The following MACROD2 variants were observed in gnomAD, a reference collection of about 807,000 sequenced individuals.
The protein encoded by MACROD2 is mono-ADP ribosylhydrolase 2.
Under a neutral mutation model 70.4 loss-of-function variants are expected in MACROD2, and 36 were observed. The observed-to-expected ratio is 0.51, with a 90% CI of 0.39 to 0.68. The LOEUF is 0.68. Among genes scored for constraint, MACROD2 ranks in the 30% least tolerant of loss-of-function variants. The probability of loss-of-function intolerance (pLI) is 0.00; values close to 1 mark genes in which losing one functional copy is unlikely to be tolerated. For synonymous variants in MACROD2, 172 were observed against 178.8 expected (o/e 0.96, Z 0.30); for missense variants, 496 against 538.4 (o/e 0.92, Z 0.78).
intron 6 of MACROD2, among the ~76,000 whole-genome samples, chr20:15,284,086 C>G (rs2077470474): frequency 1.3e-5 from 2 of 152,002 alleles, no homozygotes; most frequent in African/African-American, 4.8e-5. Context: ...ATTTCTTTTC[C>G]TTGATATAAT....
intron 5 of MACROD2, among the ~76,000 whole-genome samples, chr20:14,743,139 G>T (rs1300303675): frequency 6.6e-6 from 1 of 152,080 alleles, no homozygotes; most frequent in African/African-American, 2.4e-5. Context: ...TTTTTTAAAA[G>T]ATAGCTAATT....
chr20:15,367,089 A>C (rs1482520196), intron 6 of MACROD2, among the ~76,000 whole-genome samples: 1 of 149,008 alleles, frequency 6.7e-6, no homozygotes. Flanking sequence ...GTGCAGTGGC[A>C]TGATCTCGGC....
chr20:14,481,003 T>C (rs577233587), intron 3 of MACROD2, among the ~76,000 whole-genome samples: 2 of 152,266 alleles, frequency 1.3e-5, no homozygotes, highest in East Asian at 1.9e-4. Context: ...TTTTATTTGC[T>C]ACTTCAGGTT....
intron 5 of MACROD2, among the ~76,000 whole-genome samples, chr20:14,788,774 T>TTG (rs1555830467): frequency 1.8e-4 from 26 of 140,836 alleles, no homozygotes; most frequent in African/African-American, 6.9e-4. Context: ...TTTTTTTTTT[T>TTG]TTTTTTTTTT....
chr20:15,415,371 A>G (rs920541188), intron 6 of MACROD2, among the ~76,000 whole-genome samples: 2 of 152,188 alleles, frequency 1.3e-5, no homozygotes, highest in African/African-American at 4.8e-5. Context: ...ATGTTCCTCA[A>G]TTACATTAAG....
chr20:14,929,612 A>G (rs353142), intron 5 of MACROD2: 74,712 of 151,680 alleles, frequency 0.49, 19,109 homozygotes, highest in South Asian at 0.71. Context: ...CTCATCTCCA[A>G]CCCCTCTCCC....
chr20:15,828,496 T>C (rs997176778), intron 8 of MACROD2, among the ~76,000 whole-genome samples: 1 of 152,160 alleles, frequency 6.6e-6, no homozygotes, highest in Admixed American at 6.5e-5. Context: ...TGACATTTGC[T>C]CTTGAAGGGA....
intron 8 of MACROD2, among the ~76,000 whole-genome samples, chr20:15,640,419 A>T (rs1468028465): frequency 6.6e-6 from 1 of 152,154 alleles, no homozygotes; most frequent in African/African-American, 2.4e-5. Flanking sequence ...AGAGGGGGCC[A>T]AACGTGATGC....
At chr20:14,339,497 C>G (rs1193526125) in intron 3 of MACROD2, among the ~76,000 whole-genome samples, 1 of 152,080 alleles carries the variant, frequency 6.6e-6, no homozygotes, top group African/African-American at 2.4e-5. Flanking sequence ...AAATTTTTGC[C>G]TGGTCAAATT....
intron 4 of MACROD2, among the ~76,000 whole-genome samples, chr20:14,538,145 A>G (rs1016735276): frequency 2.0e-5 from 3 of 152,238 alleles, no homozygotes; most frequent in African/African-American, 7.2e-5. Context: ...ACATGAAAAG[A>G]AACTGAGGTA....
intron 3 of MACROD2, among the ~76,000 whole-genome samples, chr20:14,465,984 A>G (rs1373389203): frequency 6.6e-6 from 1 of 151,840 alleles, no homozygotes; most frequent in Non-Finnish European, 1.5e-5. Flanking sequence ...CTTCATTTCA[A>G]CTTTGGTGAA....
chr20:14,478,826 CA>C (rs2084628313), intron 3 of MACROD2, among the ~76,000 whole-genome samples: 2 of 152,066 alleles, frequency 1.3e-5, no homozygotes, highest in South Asian at 4.2e-4. Flanking sequence ...TTTAATTTTC[CA>C]AGATTTTTTG....
At position 14,604,918 on chromosome 20, in the gene MACROD2, G is replaced by A. The variant is rs553983143; in HGVS notation, c.302-79925G>A. Among the ~76,000 whole-genome samples, 49 of 152,220 alleles carry A rather than the reference G, an allele frequency of 3.2e-4. 1 individual carries two copies. Among genetic ancestry groups the A allele is most frequent in the Admixed American group, 1.3e-3 (20 of 15,284 alleles). On this transcript the variant is annotated intron_variant, in intron 4 of 17. Coordinates refer to ENST00000684519, the MANE Select transcript of MACROD2 (RefSeq NM_001351661.2). ...AATGTCTTTATGTATGGAAAGGCTG[G>A]TACAATTTTAAAATAAATTCCCATT...
At chr20:14,592,001 G>T (rs1216362546) in intron 4 of MACROD2, among the ~76,000 whole-genome samples, 1 of 152,272 alleles carries the variant, frequency 6.6e-6, no homozygotes, top group South Asian at 2.1e-4. Flanking sequence ...ATTGGGCAGA[G>T]AGGAGAAAAG....
rs568017573 is a variant in MACROD2, at chr20:14,213,535, T to C, written c.271+127807T>C. On this transcript the variant is annotated intron_variant, in intron 3 of 17. Coordinates refer to ENST00000684519, the MANE Select transcript of MACROD2 (RefSeq NM_001351661.2). Reference sequence around the variant, plus strand: ...TTAGTAACAAATTTAAACCCAAGCATAGCAAGCAACCTTGTTGAACCAAAT... The same window carrying C: ...TTAGTAACAAATTTAAACCCAAGCACAGCAAGCAACCTTGTTGAACCAAAT... Among the ~76,000 whole-genome samples, 6 of 151,834 alleles carry C rather than the reference T, an allele frequency of 4.0e-5. No individual in the cohort carries two copies. In the East Asian group the frequency reaches 1.2e-3, roughly 29 times the overall value.
rs114930509 is a variant in MACROD2, at chr20:15,963,819, T to C, written c.908-3734T>C. On this transcript the variant is annotated intron_variant, in intron 12 of 17. Transcript: ENST00000684519. ...AATATTCCTTTAAACCTTTTCAACT[T>C]TCTGAGTGAGGGCTTTTTCTTTTTT... Among the ~76,000 whole-genome samples, 598 of 152,318 alleles carry C rather than the reference T, an allele frequency of 3.9e-3. 9 individuals are homozygous for C. Among genetic ancestry groups the C allele is most frequent in the African/African-American group, 0.014 (578 of 41,588 alleles).
chr20:15,003,354 G>A (rs1227073989), intron 5 of MACROD2, among the ~76,000 whole-genome samples: 1 of 152,090 alleles, frequency 6.6e-6, no homozygotes, highest in African/African-American at 2.4e-5. Context: ...GGGCCTTCTA[G>A]CTTCCTTGCC....
chr20:14,513,125 A>G lies in MACROD2; in HGVS notation c.301+19617A>G, dbSNP rs187832170. On this transcript the variant is annotated intron_variant, in intron 4 of 17. Transcript: ENST00000684519. ...TGAAGTGGGTCTGAGGTTGTGATAA[A>G]TGCTTGTGAGGTCTCTTATTTGTTG... 1.7e-3 allele frequency among the ~76,000 whole-genome samples: 263 copies of G among 152,264 alleles called. 2 individuals are homozygous for G. The highest frequency in any genetic ancestry group is 6.3e-3 in the African/African-American group (260 of 41,574).
Position 14,561,740 on chromosome 20 carries a change from A to G in MACROD2, c.301+68232A>G, listed in dbSNP as rs539757269. 5.3e-4 allele frequency among the ~76,000 whole-genome samples: 80 copies of G among 152,002 alleles called. No individual in the cohort carries two copies. The South Asian group carries it at 0.011, about 22-fold the overall frequency. On this transcript the variant is annotated intron_variant, in intron 4 of 17. Coordinates refer to ENST00000684519, the MANE Select transcript of MACROD2 (RefSeq NM_001351661.2). ...AATACTTCATGTGAGTTACTTGAAA[A>G]TGACAAATCGAAATCTGTCACGTAA...
Sources: gnomAD v4.1 joint callset for allele counts (sites outside exome capture counted in the v4.1 genomes callset) on GRCh38, gnomAD v4.1.1 for gene constraint, MANE v1.5 for transcripts, NCBI Gene and HGNC (gene_info 2026-07-23, HGNC 2026-07-21) for gene names.